TNS2: variants seen among roughly 807,000 people sequenced by gnomAD.
TNS2 encodes the protein tensin 2, also known as tensin-2.
A neutral mutation model predicts 155.7 loss-of-function variants in TNS2; 77 were observed. The ratio of observed to expected loss-of-function variants is 0.49; its 90% confidence interval spans 0.41 to 0.60. The LOEUF is 0.60. Ranked by LOEUF, TNS2 falls within the 20% of genes least tolerant of loss-of-function variation. The probability of loss-of-function intolerance (pLI) is 0.00; values close to 1 mark genes in which losing one functional copy is unlikely to be tolerated. For missense variants in TNS2, 1,703 were observed against 1,868.8 expected, an observed-to-expected ratio of 0.91 and a Z score of 1.64; for synonymous variants, 726 against 763.9, an observed-to-expected ratio of 0.95 and a Z score of 0.82.
At position 53,063,571 on chromosome 12, in the gene TNS2, A is replaced by T. The variant is rs138893925; in HGVS notation, c.4070A>T (p.Asn1357Ile). The T allele has an allele frequency of 2.2e-4, 359 of 1,613,732 alleles. 1 individual carries two copies. Among genetic ancestry groups the T allele is most frequent in the Middle Eastern group, 1.6e-4 (1 of 6,084 alleles). Residue 1357 changes from asparagine to isoleucine, a missense_variant, in exon 28 of 29, where the codon AAC becomes ATC. Asn to Ile is a moderately radical substitution (Grantham distance 149, BLOSUM62 -3). Coordinates refer to ENST00000314250, the MANE Select transcript of TNS2 (RefSeq NM_170754.4). The surrounding 1 kb of genome is among the most constrained non-coding windows in gnomAD (Gnocchi z 5.6). ...STDPQDRRWT[N>I]PDGTTSKIFG... ...TTCTTCTCCTTCTGCAGATGGACCA[A>T]CCCAGACGGGACCACCTCCAAGTAA...
Position 53,061,237 on chromosome 12 carries a change from C to T in TNS2, c.3331C>T (p.Leu1111Phe), listed in dbSNP as rs1944374635. The T allele has an allele frequency of 6.4e-7, 1 of 1,569,436 alleles. No individual in the cohort carries two copies. Among genetic ancestry groups the T allele is most frequent in the East Asian group, 2.2e-5 (1 of 44,566 alleles). ...TCACCATGTCACCTTCGCACCTCTG[C>T]TCTCAGATAATGTCCCCCAAACCCC... is the stretch of plus-strand genomic sequence containing the variant. ...ISHHVTFAPLLSDNVPQTPEP... is the reference protein window; with the variant it reads ...ISHHVTFAPLFSDNVPQTPEP... Residue 1111 changes from leucine (L) to phenylalanine (F), a missense_variant, in exon 20 of 29, where the codon CTC becomes TTC. Leu to Phe is a conservative substitution (Grantham distance 22). Transcript: ENST00000314250.
At chr12:53,054,143 C>T in intron 6 of TNS2, 127 bp from the exon 7 acceptor site, 1 of 1,564,880 alleles carries the variant, frequency 6.4e-7, no homozygotes, top group Non-Finnish European at 8.8e-7. Context: ...ATTCTCCCTC[C>T]AGACCGATCC....
Position 53,050,171 on chromosome 12 carries a change from A to C in TNS2, c.-15A>C, listed in dbSNP as rs370572674. 1.9e-6 allele frequency: 3 copies of C among 1,609,366 alleles called. No individual in the cohort carries two copies. The Admixed American group carries it at 5.0e-5, about 27-fold the overall frequency. ...GTTCAGGCCCTGGGGCCAGCACCCC[A>C]GCCAGCCGAACACCATGAAGTCCAG... On this transcript the variant is annotated 5_prime_UTR_variant, in exon 1 of 29. Coordinates refer to ENST00000314250, the MANE Select transcript of TNS2 (RefSeq NM_170754.4). The surrounding 1 kb of genome is among the most constrained non-coding windows in gnomAD (Gnocchi z 4.7).
At position 53,060,976 on chromosome 12, in the gene TNS2, C is replaced by T. The variant is rs1424929845; in HGVS notation, c.3070C>T (p.Pro1024Ser). 1 of 1,610,050 alleles carries T rather than the reference C, an allele frequency of 6.2e-7. No homozygotes were observed. Among genetic ancestry groups the T allele is most frequent in the Non-Finnish European group, 8.5e-7 (1 of 1,178,390 alleles). The stretch of plus-strand genomic sequence containing the variant: ...CCCCTGGCAAGGCCCTCGAGGCCCC[C>T]CCGACAGCCCAGATGGGTCTCCCCT... ...HAPWQGPRGP[P>S]DSPDGSPLTP... The change falls in exon 20 of 29, where the codon CCC (proline) becomes TCC (serine). Residue 1024 changes from proline to serine, a missense_variant. Physicochemically the swap from Pro to Ser is moderately conservative, Grantham distance 74. Coordinates refer to ENST00000314250, the MANE Select transcript of TNS2 (RefSeq NM_170754.4). This position sits in a 1 kb window ranked among gnomAD's most constrained non-coding sequence, Gnocchi z 6.1.
At chr12:53,047,099 A>C (rs1943743854), upstream of TNS2, 1 of 151,202 alleles carries the variant, frequency 6.6e-6, no homozygotes, top group Non-Finnish European at 1.5e-5. Context: ...TGGGGAGGAG[A>C]GGAGGCCGAG....
Position 53,060,274 on chromosome 12 carries a change from G to C in TNS2, c.2617+16G>C. 1 of 1,538,692 alleles carries C rather than the reference G, an allele frequency of 6.5e-7. No individual in the cohort carries two copies. The highest frequency in any genetic ancestry group is 8.8e-7 in the Non-Finnish European group (1 of 1,142,348). ...GCATCTGCAGGTGAGGGGCACCAGA[G>C]TGCGGAGTGCCCAGGGCAGAGGAGG... is the stretch of plus-strand genomic sequence containing the variant. On this transcript the variant is annotated intron_variant, in intron 18 of 28. Coordinates refer to ENST00000314250, the MANE Select transcript of TNS2 (RefSeq NM_170754.4). This position sits in a 1 kb window ranked among gnomAD's most constrained non-coding sequence, Gnocchi z 6.1.
In TNS2 at chr12:53,060,618, G is replaced by A; in HGVS notation, c.2769-57G>A. On this transcript the variant is annotated intron_variant, in intron 19 of 28. Transcript: ENST00000314250. The surrounding 1 kb of genome is among the most constrained non-coding windows in gnomAD (Gnocchi z 6.1). ...GTCCAAGCAGTTGATGAAGGCAGGTGGGGTGGGAGCAGCCACAATGGGGGC... is the reference window on the plus strand; with the variant it reads ...GTCCAAGCAGTTGATGAAGGCAGGTAGGGTGGGAGCAGCCACAATGGGGGC... 1 of 1,592,366 alleles carries A rather than the reference G, an allele frequency of 6.3e-7. No individual in the cohort carries two copies. The highest frequency in any genetic ancestry group is 8.6e-7 in the Non-Finnish European group (1 of 1,166,696).
At chr12:53,052,287 C>A in intron 2 of TNS2, 168 bp from the exon 3 acceptor site, 1 of 829,198 alleles carries the variant, frequency 1.2e-6, no homozygotes, top group Non-Finnish European at 2.0e-6. Context: ...CACTGCCACA[C>A]TCTTCCCTCA....
intron 3 of TNS2, 131 bp downstream of exon 3, chr12:53,052,623 G>C: frequency 8.1e-7 from 1 of 1,230,148 alleles, no homozygotes. Context: ...ACCCCTCCTG[G>C]GTGGGAGGGG....
At chr12:53,052,429 C>T in intron 2 of TNS2, 26 bp from the exon 3 acceptor site, 3 of 1,613,930 alleles carry the variant, frequency 1.9e-6, no homozygotes, top group Non-Finnish European at 2.5e-6. Flanking sequence ...CCCTGCTAAC[C>T]CCTCTCCTCC....
intron 7 of TNS2, among the ~76,000 whole-genome samples, chr12:53,054,699 G>C (rs931951509): frequency 1.3e-5 from 2 of 151,992 alleles, no homozygotes; most frequent in African/African-American, 4.8e-5. Flanking sequence ...TTTTGAGACG[G>C]GGTCTCACTT....
rs1289930563 is a variant in TNS2, at chr12:53,058,647, G to A, written c.1291+10G>A. Reference sequence around the variant, plus strand: ...CCCGAGAAGATCAAAGGTAAGAGCAGGGACATGGGCTGGGGACTGAGGGCC... The same window carrying A: ...CCCGAGAAGATCAAAGGTAAGAGCAAGGACATGGGCTGGGGACTGAGGGCC... On this transcript the variant is annotated intron_variant, in intron 16 of 28. Transcript: ENST00000314250. 16 of 1,613,946 alleles carry A rather than the reference G, an allele frequency of 9.9e-6. No individual in the cohort carries two copies. The highest frequency in any genetic ancestry group is 1.4e-5 in the Non-Finnish European group (16 of 1,179,982).
upstream of TNS2, among the ~76,000 whole-genome samples, chr12:53,047,611 G>A (rs1358830323): frequency 6.6e-6 from 1 of 151,652 alleles, no homozygotes; most frequent in Non-Finnish European, 1.5e-5. Flanking sequence ...CGATCAGGCC[G>A]CCACGCCTTC....
upstream of TNS2, among the ~76,000 whole-genome samples, chr12:53,048,301 G>A (rs546752715): frequency 6.6e-6 from 1 of 152,230 alleles, no homozygotes; most frequent in Non-Finnish European, 1.5e-5. Flanking sequence ...TGTGAGACCA[G>A]TGAAGGTGAG....
In TNS2 at chr12:53,050,956, A is replaced by G. The variant is rs12814447; in HGVS notation, c.75+696A>G. ...GGAGTCTGAACTCCAGAGGAGGGGGAATATGGGTAAAACAGAGAGATGGCA... is the reference window on the plus strand; with the variant it reads ...GGAGTCTGAACTCCAGAGGAGGGGGGATATGGGTAAAACAGAGAGATGGCA... On this transcript the variant is annotated intron_variant, in intron 1 of 28. Transcript: ENST00000314250. This position sits in a 1 kb window ranked among gnomAD's most constrained non-coding sequence, Gnocchi z 4.7. Among the ~76,000 whole-genome samples, 5,974 of 151,774 alleles carry G rather than the reference A, an allele frequency of 0.039. 160 individuals carry two copies. Among genetic ancestry groups the G allele is most frequent in the Middle Eastern group, 0.092 (27 of 294 alleles).
At chr12:53,053,275 C>T (rs1277583278) in intron 3 of TNS2, 136 bp from the exon 4 acceptor site, 22 of 994,536 alleles carry the variant, frequency 2.2e-5, no homozygotes, top group Middle Eastern at 2.2e-4. Flanking sequence ...CCTTAAATAG[C>T]GCAACCTCAG....
Position 53,059,426 on chromosome 12 carries a change from C to G in TNS2, c.1785C>G (p.Arg595=), listed in dbSNP as rs2121142828. 1.3e-6 allele frequency: 2 copies of G among 1,484,258 alleles called. No individual in the cohort carries two copies. The highest frequency in any genetic ancestry group is 2.8e-5 in the South Asian group (2 of 71,904). 91.9% of individuals were successfully genotyped at this position (1,484,258 alleles called of 1,614,324 possible). A position where few individuals can be genotyped will look rare whatever the true frequency, so the allele number is the denominator to read the frequency against. Residue 595 remains arginine (R), a synonymous_variant, in exon 18 of 29, where the codon CGC becomes CGG. Coordinates refer to ENST00000314250, the MANE Select transcript of TNS2 (RefSeq NM_170754.4). The surrounding 1 kb of genome is among the most constrained non-coding windows in gnomAD (Gnocchi z 4.7). ...GCCTCAGCCGCCACTGCTCCTGCCGCCAGGGCTACCGGGAGCCCTGCGGGG... is the reference window on the plus strand; with the variant it reads ...GCCTCAGCCGCCACTGCTCCTGCCGGCAGGGCTACCGGGAGCCCTGCGGGG... The part of the protein sequence containing the change: ...RPGLSRHCSC[R]QGYREPCGVP...
rs1165068211 is a variant in TNS2, at chr12:53,061,818, T to C, written c.3452T>C (p.Ile1151Thr). ...YKPHLSRDQA[I>T]ALLKDKDPGA... Reference sequence around the variant, plus strand: ...CCCGCTACCCCTCACCCTGCAGCCATTGCCCTGCTGAAGGACAAGGACCCT... The same window carrying C: ...CCCGCTACCCCTCACCCTGCAGCCACTGCCCTGCTGAAGGACAAGGACCCT... The change falls in exon 22 of 29, where the codon ATT (isoleucine) becomes ACT (threonine). Residue 1151 changes from isoleucine to threonine, a missense_variant. Physicochemically the swap from Ile to Thr is moderately conservative, Grantham distance 89. Transcript: ENST00000314250. The C allele has an allele frequency of 6.2e-7, 1 of 1,612,278 alleles. No homozygotes were observed. Among genetic ancestry groups the C allele is most frequent in the Admixed American group, 1.7e-5 (1 of 59,900 alleles).
At position 53,055,702 on chromosome 12, in the gene TNS2, C is replaced by T; in HGVS notation, c.696+12C>T. 1 of 1,614,200 alleles carries T rather than the reference C, an allele frequency of 6.2e-7. No homozygotes were observed. Among genetic ancestry groups the T allele is most frequent in the Non-Finnish European group, 8.5e-7 (1 of 1,180,048 alleles). On this transcript the variant is annotated intron_variant, in intron 9 of 28. Coordinates refer to ENST00000314250, the MANE Select transcript of TNS2 (RefSeq NM_170754.4). ...TACTATACTGCAAGGTGGGCCAGGA[C>T]CTCGGGTTCCCTGGTGCCTGGAGGT...
Sources: gnomAD v4.1 joint callset for allele counts (sites outside exome capture counted in the v4.1 genomes callset) on GRCh38, gnomAD v4.1.1 for gene constraint, Gnocchi (gnomAD v3.1) non-coding constraint, MANE v1.5 for transcripts, NCBI Gene and HGNC (gene_info 2026-07-23, HGNC 2026-07-21) for gene names.